KIAA1958: variants seen among roughly 807,000 people sequenced by gnomAD.
KIAA1958 encodes uncharacterized protein KIAA1958.
Under a neutral mutation model 47.2 loss-of-function variants are expected in KIAA1958, and 14 were observed. That is an observed-to-expected ratio of 0.30 (90% CI 0.20 to 0.46). The LOEUF (loss-of-function observed/expected upper bound fraction) is 0.46, where lower values mean the gene tolerates loss of function less well. Ranked by LOEUF, KIAA1958 falls within the 20% of genes least tolerant of loss-of-function variation. The pLI, the probability that KIAA1958 is intolerant of heterozygous loss-of-function variation, is 1.00. For synonymous variants in KIAA1958, 354 were observed against 353.3 expected, an observed-to-expected ratio of 1.00 and a Z score of -0.02; for missense variants, 803 against 909.2, an observed-to-expected ratio of 0.88 and a Z score of 1.50.
At chr9:112,655,176 G>A (rs932780287) in intron 3 of KIAA1958, among the ~76,000 whole-genome samples, 2 of 152,040 alleles carry the variant, frequency 1.3e-5, no homozygotes, top group Non-Finnish European at 2.9e-5. Flanking sequence ...ATTTGTAATG[G>A]ATGTCACATT....
At chr9:112,592,504 A>G (rs1386739579) in intron 2 of KIAA1958, among the ~76,000 whole-genome samples, 1 of 152,228 alleles carries the variant, frequency 6.6e-6, no homozygotes, top group Non-Finnish European at 1.5e-5. Context: ...AAACAAGGAA[A>G]GTCATAGTAT....
intron 2 of KIAA1958, among the ~76,000 whole-genome samples, chr9:112,577,391 GTTATC>G (rs1013575620): frequency 9.9e-5 from 15 of 152,032 alleles, no homozygotes; most frequent in African/African-American, 3.6e-4. Flanking sequence ...GAGACAAAAT[GTTATC>G]TTTATTAGGC....
At chr9:112,512,698 C>G (rs996990293) in intron 1 of KIAA1958, among the ~76,000 whole-genome samples, 4 of 151,534 alleles carry the variant, frequency 2.6e-5, no homozygotes, top group Admixed American at 2.6e-4. Context: ...AGGTCCTTGG[C>G]TACCTGGAGC....
At chr9:112,541,622 G>A (rs1038393526) in intron 1 of KIAA1958, among the ~76,000 whole-genome samples, 1 of 152,062 alleles carries the variant, frequency 6.6e-6, no homozygotes, top group Non-Finnish European at 1.5e-5. Flanking sequence ...CGTCCAACAT[G>A]GTGAAACCCT....
At chr9:112,536,018 A>G (rs549432671) in intron 1 of KIAA1958, among the ~76,000 whole-genome samples, 20 of 152,334 alleles carry the variant, frequency 1.3e-4, no homozygotes. Flanking sequence ...ACATAATGGA[A>G]TGTGGCTCCC....
intron 2 of KIAA1958, among the ~76,000 whole-genome samples, chr9:112,632,333 A>AATAT (rs137953550): frequency 2.7e-4 from 41 of 149,796 alleles, no homozygotes; most frequent in South Asian, 8.4e-4. Context: ...ACCACATGTA[A>AATAT]ATATATATAT....
chr9:112,531,249 G>A (rs758024212), intron 1 of KIAA1958, among the ~76,000 whole-genome samples: 66 of 152,116 alleles, frequency 4.3e-4, no homozygotes, highest in Admixed American at 7.2e-4. Context: ...TTAGCCAGGC[G>A]TGGTGGCGCA....
intron 2 of KIAA1958, among the ~76,000 whole-genome samples, chr9:112,603,213 AT>A (rs553816806): frequency 2.0e-5 from 3 of 151,562 alleles, no homozygotes; most frequent in East Asian, 1.9e-4. Flanking sequence ...GTGTTGATTT[AT>A]TTTTTTTTAA....
intron 2 of KIAA1958, among the ~76,000 whole-genome samples, chr9:112,625,334 T>G (rs1836590377): frequency 6.6e-6 from 1 of 152,060 alleles, no homozygotes; most frequent in Admixed American, 6.5e-5. Context: ...AAAAATTTTT[T>G]GTAGACATGG....
intron 1 of KIAA1958, among the ~76,000 whole-genome samples, chr9:112,526,818 T>G (rs540114449): frequency 6.6e-6 from 1 of 152,228 alleles, no homozygotes; most frequent in Non-Finnish European, 1.5e-5. Flanking sequence ...AACTTCAACA[T>G]GAGTTTTGGA....
rs146662770 is a variant in KIAA1958 at position 112,574,644 on chromosome 9, G to A, written c.564G>A (p.Thr188=). 51 of 1,614,014 alleles carry A rather than the reference G, an allele frequency of 3.2e-5. No homozygotes were observed. The highest frequency in any genetic ancestry group is 4.0e-5 in the Non-Finnish European group (47 of 1,180,026). The change falls in exon 2 of 4, where the codon ACG becomes ACA. Residue 188 remains threonine (T), a synonymous_variant. Transcript: ENST00000337530. ...VPSSLHSSSQ[T]QMVDECSNDV... Reference sequence around the variant, plus strand: ...CTTCCCTCCATTCAAGCTCCCAGACGCAGATGGTTGACGAATGCAGCAATG... The same window carrying A: ...CTTCCCTCCATTCAAGCTCCCAGACACAGATGGTTGACGAATGCAGCAATG...
intron 1 of KIAA1958, among the ~76,000 whole-genome samples, chr9:112,560,415 CT>C (rs916095284): frequency 1.3e-5 from 2 of 152,012 alleles, no homozygotes; most frequent in Non-Finnish European, 2.9e-5. Context: ...GTCTCAAACT[CT>C]TGGCCTCAAG....
intron 2 of KIAA1958, among the ~76,000 whole-genome samples, chr9:112,611,089 A>G (rs995356637): frequency 6.6e-6 from 1 of 152,172 alleles, no homozygotes; most frequent in African/African-American, 2.4e-5. Context: ...ATTGATCCAT[A>G]TCAATATATC....
At position 112,595,790 on chromosome 9, in the gene KIAA1958, A is replaced by ATT. The variant is rs879272331; in HGVS notation, c.1171+20550_1171+20551dup. On this transcript the variant is annotated intron_variant, in intron 2 of 3. Transcript: ENST00000337530. Reference sequence around the variant, plus strand: ...TATTCTGGGGCTGTTGTTTGAAAGCATTTTTTTTTTTTGAGACGGAGTTTC... The same window carrying ATT: ...TATTCTGGGGCTGTTGTTTGAAAGCATTTTTTTTTTTTTTGAGACGGAGTTTC... 5.0e-3 allele frequency among the ~76,000 whole-genome samples: 731 copies of ATT among 146,030 alleles called. 9 individuals are homozygous for ATT. Among genetic ancestry groups the ATT allele is most frequent in the African/African-American group, 0.017 (693 of 40,118 alleles).
intron 2 of KIAA1958, among the ~76,000 whole-genome samples, chr9:112,598,532 A>G: frequency 6.6e-6 from 1 of 152,202 alleles, no homozygotes; most frequent in East Asian, 1.9e-4. Flanking sequence ...CAGTAGCTAA[A>G]TAAGGAATTT....
At chr9:112,541,738 G>A (rs1834947778) in intron 1 of KIAA1958, among the ~76,000 whole-genome samples, 1 of 152,126 alleles carries the variant, frequency 6.6e-6, no homozygotes, top group Non-Finnish European at 1.5e-5. Flanking sequence ...CCGGGAGGCA[G>A]AGGTTGCAGT....
intron 2 of KIAA1958, among the ~76,000 whole-genome samples, chr9:112,610,261 TTATTAATA>T (rs1369140560): frequency 6.6e-6 from 1 of 151,744 alleles, no homozygotes; most frequent in African/African-American, 2.4e-5. Context: ...CTTAAAAATT[TTATTAATA>T]TAAATAAGTA....
intron 2 of KIAA1958, among the ~76,000 whole-genome samples, chr9:112,620,067 T>C (rs934250057): frequency 5.9e-5 from 9 of 152,240 alleles, no homozygotes; most frequent in African/African-American, 2.2e-4. Flanking sequence ...GATTTTTCTA[T>C]AGTAAATATA....
intron 1 of KIAA1958, among the ~76,000 whole-genome samples, chr9:112,544,277 C>T (rs1178055775): frequency 1.3e-5 from 2 of 152,180 alleles, no homozygotes; most frequent in Non-Finnish European, 2.9e-5. Flanking sequence ...GAGGGCCCTG[C>T]GAGACCACTA....
Sources: allele counts gnomAD v4.1 joint callset (sites outside exome capture counted in the v4.1 genomes callset), GRCh38; gene constraint gnomAD v4.1.1; transcripts MANE v1.5; gene names NCBI Gene and HGNC (gene_info 2026-07-23, HGNC 2026-07-21).